Variants in CD101 observed in about 807,000 individuals in gnomAD.
CD101 encodes CD101 molecule, also known as immunoglobulin superfamily member 2.
Under a neutral mutation model 98.2 loss-of-function variants are expected in CD101, and 76 were observed. The ratio of observed to expected loss-of-function variants is 0.77; its 90% CI spans 0.64 to 0.94. The LOEUF (loss-of-function observed/expected upper bound fraction) is 0.94, where lower values mean the gene tolerates loss of function less well. Among genes scored for constraint, CD101 ranks in the 40% least tolerant of loss-of-function variants. The pLI is 0.00. For synonymous variants in CD101, 471 were observed against 472.7 expected, an observed-to-expected ratio of 1.00 and a Z score of 0.05; for missense variants, 1,145 against 1,218.8, an observed-to-expected ratio of 0.94 and a Z score of 0.90.
rs1358960313 is a variant in CD101, at chr1:117,018,526, C to G, written c.1983C>G (p.Ile661Met). ...ACCGCCCCCCGAGGGCTTCTGCCAT[C>G]TCTCACCCACTGAGGATAGCCGTCA... Reference protein sequence around the residue: ...YNNRPPRASAISHPLRIAVTL... With the variant: ...YNNRPPRASAMSHPLRIAVTL... Residue 661 changes from isoleucine (I) to methionine (M), a missense_variant, in exon 6 of 10, where the codon ATC becomes ATG. Transcript: ENST00000682167. The surrounding 1 kb of genome is among the most constrained non-coding windows in gnomAD (Gnocchi z 4.3). 3 of 1,607,582 alleles carry G rather than the reference C, an allele frequency of 1.9e-6. No individual in the cohort carries two copies. Among genetic ancestry groups the G allele is most frequent in the East Asian group, 4.5e-5 (2 of 44,706 alleles).
At chr1:117,030,549 C>G (rs762089313) in intron 8 of CD101, among the ~76,000 whole-genome samples, 7 of 152,164 alleles carry the variant, frequency 4.6e-5, no homozygotes, top group African/African-American at 1.7e-4. Flanking sequence ...AGCTGTGTGT[C>G]TTTACCACAC....
At position 117,011,967 on chromosome 1, in the gene CD101, G is replaced by A; in HGVS notation, c.841+1G>A. On this transcript the variant is annotated splice_donor_variant, in intron 3 of 9. Transcript: ENST00000682167. LOFTEE classifies it high-confidence loss of function. ...ACCACTCTGAGGATCCAGCCAGCAG[G>A]TAATTATCTTCCTACGAAATTCATT... 2 of 1,607,226 alleles carry A rather than the reference G, an allele frequency of 1.2e-6. No individual in the cohort carries two copies. The highest frequency in any genetic ancestry group is 1.7e-6 in the Non-Finnish European group (2 of 1,175,126).
intron 1 of CD101, among the ~76,000 whole-genome samples, chr1:117,009,457 T>A (rs12038029): frequency 1.3e-5 from 2 of 152,264 alleles, no homozygotes; most frequent in African/African-American, 2.4e-5. Context: ...AACTGCCCGA[T>A]GGCAGGCACC....
intron 4 of CD101, among the ~76,000 whole-genome samples, chr1:117,016,545 G>A (rs1245361452): frequency 6.6e-6 from 1 of 152,084 alleles, no homozygotes. Flanking sequence ...AAACAAATAA[G>A]AAATATGTGC....
intron 5 of CD101, among the ~76,000 whole-genome samples, 197 bp downstream of exon 5, chr1:117,017,670 A>C (rs999714713): frequency 1.3e-5 from 2 of 152,186 alleles, no homozygotes; most frequent in African/African-American, 4.8e-5. Context: ...TTTAGAGTGC[A>C]ACTTGTAAAT....
intron 7 of CD101, among the ~76,000 whole-genome samples, chr1:117,024,265 T>C (rs1051523796): frequency 1.3e-5 from 2 of 152,046 alleles, no homozygotes; most frequent in African/African-American, 4.8e-5. Flanking sequence ...TCACCTGAGG[T>C]CAGGAGTTCG....
At chr1:117,017,042 C>G (rs1653260947) in intron 4 of CD101, 48 bp from the exon 5 acceptor site, 10 of 1,550,212 alleles carry the variant, frequency 6.5e-6, no homozygotes, top group Non-Finnish European at 8.7e-6. Flanking sequence ...TAGAACATTT[C>G]TTATTTACCT....
chr1:117,007,046 A>G (rs76234348), intron 1 of CD101, among the ~76,000 whole-genome samples: 6,943 of 152,314 alleles, frequency 0.046, 232 homozygotes, highest in Non-Finnish European at 0.068. Context: ...TTGTAGAAAC[A>G]TGCCTTGATA....
chr1:117,014,378 C>T (rs866564790), intron 4 of CD101, among the ~76,000 whole-genome samples: 3 of 152,242 alleles, frequency 2.0e-5, no homozygotes, highest in South Asian at 2.1e-4. Context: ...GGAAATAGTA[C>T]TTAGTCATAA....
At position 117,017,190 on chromosome 1, in the gene CD101, G is replaced by A. The variant is rs532381154; in HGVS notation, c.1329G>A (p.Leu443=). The A allele has an allele frequency of 3.7e-6, 6 of 1,614,232 alleles. No homozygotes were observed. The African/African-American group carries it at 8.0e-5, about 22-fold the overall frequency. Reference sequence around the variant, plus strand: ...AGGCTGGTGGAGCTGAAAGTCCCCTGTCTGTGAGCTGGTGGCACATCCCAC... The same window carrying A: ...AGGCTGGTGGAGCTGAAAGTCCCCTATCTGTGAGCTGGTGGCACATCCCAC... ...LCKAGGAESP[L]SVSWWHIPRD... Residue 443 remains leucine (L), a synonymous_variant, in exon 5 of 10, where the codon CTG becomes CTA. Transcript: ENST00000682167.
chr1:117,021,950 T>A lies in CD101; in HGVS notation c.2395T>A (p.Ser799Thr). The A allele has an allele frequency of 6.2e-7, 1 of 1,612,188 alleles. No homozygotes were observed. The highest frequency in any genetic ancestry group is 8.5e-7 in the Non-Finnish European group (1 of 1,179,370). ...GTWHKLGEKK[S>T]GLTELKLKPT... ...TTGGCACAAGCTTGGAGAAAAGAAG[T>A]CAGGACTAACAGAATTGAAACTCAA... The change falls in exon 7 of 10, where the codon TCA becomes ACA. Residue 799 changes from serine (S) to threonine (T), a missense_variant. Coordinates refer to ENST00000682167, the MANE Select transcript of CD101 (RefSeq NM_001256106.3). The surrounding 1 kb of genome is among the most constrained non-coding windows in gnomAD (Gnocchi z 4.7).
At chr1:117,007,244 T>C (rs1057271518) in intron 1 of CD101, among the ~76,000 whole-genome samples, 1 of 152,024 alleles carries the variant, frequency 6.6e-6, no homozygotes, top group Non-Finnish European at 1.5e-5. Context: ...GGTCAAGAAA[T>C]AGAATATCGC....
chr1:117,025,711 G>T lies in CD101; in HGVS notation c.2631G>T (p.Gly877=). The T allele has an allele frequency of 6.2e-7, 1 of 1,614,178 alleles. No individual in the cohort carries two copies. Among genetic ancestry groups the T allele is most frequent in the Non-Finnish European group, 8.5e-7 (1 of 1,180,034 alleles). ...HDGLLEYGEE[G]LRRHLHCYRS... ...GCTTGCTGGAGTATGGGGAAGAGGG[G>T]CTCAGGAGGCACCTGCACTGTTACC... The change falls in exon 8 of 10, where the codon GGG becomes GGT. Residue 877 remains glycine (G), a synonymous_variant. Coordinates refer to ENST00000682167, the MANE Select transcript of CD101 (RefSeq NM_001256106.3).
In CD101 at chr1:117,033,167, G is replaced by A. The variant is rs908306991; in HGVS notation, c.2825-693G>A. The A allele has an allele frequency of 6.5e-6, 1 of 153,058 alleles. No individual in the cohort carries two copies. Among genetic ancestry groups the A allele is most frequent in the Non-Finnish European group, 1.5e-5 (1 of 68,674 alleles). 9.5% of individuals were successfully genotyped at this position (153,058 alleles called of 1,614,324 possible). A position where few individuals can be genotyped will look rare whatever the true frequency, so the allele number is the denominator to read the frequency against. On this transcript the variant is annotated intron_variant, in intron 8 of 9. Transcript: ENST00000682167. This position sits in a 1 kb window ranked among gnomAD's most constrained non-coding sequence, Gnocchi z 4.8. ...AAGAGAAGAACTGTGCCTGCAGCAA[G>A]GTAGGAAGAGCTGAGAGAGTAGGAA...
At position 117,011,638 on chromosome 1, in the gene CD101, CA is replaced by C. The variant is rs1407037756; in HGVS notation, c.516del (p.Ala173ProfsTer14). 1 of 1,614,104 alleles carries C rather than the reference CA, an allele frequency of 6.2e-7. No individual in the cohort carries two copies. Among genetic ancestry groups the C allele is most frequent in the Non-Finnish European group, 8.5e-7 (1 of 1,180,012 alleles). On this transcript the variant is annotated frameshift_variant, in exon 3 of 10. Transcript: ENST00000682167. LOFTEE classifies it high-confidence loss of function. ...EPLALTCEAS[K>X]ATAQHTHLSV... Reference sequence around the variant, plus strand: ...CATTAGCCCTCACCTGTGAGGCATCCAAAGCCACAGCCCAACATACTCACCT... The same window carrying C: ...CATTAGCCCTCACCTGTGAGGCATCCAAGCCACAGCCCAACATACTCACCT...
chr1:117,018,530 C>T lies in CD101; in HGVS notation c.1987C>T (p.His663Tyr). The change falls in exon 6 of 10, where the codon CAC (histidine) becomes TAC (tyrosine). Residue 663 changes from histidine to tyrosine, a missense_variant. Transcript: ENST00000682167. This position sits in a 1 kb window ranked among gnomAD's most constrained non-coding sequence, Gnocchi z 4.3. ...NRPPRASAIS[H>Y]PLRIAVTLPE... ...CCCCCCGAGGGCTTCTGCCATCTCT[C>T]ACCCACTGAGGATAGCCGTCACTTT... 1.2e-6 allele frequency: 2 copies of T among 1,606,988 alleles called. No homozygotes were observed. Among genetic ancestry groups the T allele is most frequent in the Non-Finnish European group, 1.7e-6 (2 of 1,174,606 alleles).
chr1:117,019,344 T>G lies in CD101; in HGVS notation c.2017+784T>G, dbSNP rs866095599. Among the ~76,000 whole-genome samples, 3 of 152,342 alleles carry G rather than the reference T, an allele frequency of 2.0e-5. No individual in the cohort carries two copies. Among genetic ancestry groups the G allele is most frequent in the South Asian group, 2.1e-4 (1 of 4,824 alleles). ...ATGCCGAGTACCTGACACACCAAGATGACGCTCAAACGTGGTCACTGTCAT... is the reference window on the plus strand; with the variant it reads ...ATGCCGAGTACCTGACACACCAAGAGGACGCTCAAACGTGGTCACTGTCAT... On this transcript the variant is annotated intron_variant, in intron 6 of 9. Coordinates refer to ENST00000682167, the MANE Select transcript of CD101 (RefSeq NM_001256106.3). This position sits in a 1 kb window ranked among gnomAD's most constrained non-coding sequence, Gnocchi z 4.3.
In CD101 at chr1:117,011,955, T is replaced by A. The variant is rs759333608; in HGVS notation, c.830T>A (p.Ile277Asn). The change falls in exon 3 of 10, where the codon ATC becomes AAC. Residue 277 changes from isoleucine (I) to asparagine (N), a missense_variant. Ile to Asn is a moderately radical substitution (Grantham distance 149). Coordinates refer to ENST00000682167, the MANE Select transcript of CD101 (RefSeq NM_001256106.3). ...CAGACCGATCAAACCACTCTGAGGA[T>A]CCAGCCAGCAGGTAATTATCTTCCT... ...KKQTDQTTLRIQPAVKDFQVN... is the reference protein window; with the variant it reads ...KKQTDQTTLRNQPAVKDFQVN... 6.2e-7 allele frequency: 1 copy of A among 1,611,302 alleles called. No individual in the cohort carries two copies. The highest frequency in any genetic ancestry group is 8.5e-7 in the Non-Finnish European group (1 of 1,177,794).
In CD101 at chr1:117,021,909, T is replaced by A. The variant is rs1450314322; in HGVS notation, c.2354T>A (p.Leu785Gln). ...KYHCAVEEWL[L>Q]STNGTWHKLG... is the part of the protein sequence containing the mutation. ...CACTGTGCTGTGGAGGAATGGCTCC[T>A]GTCTACAAATGGCACTTGGCACAAG... Residue 785 changes from leucine to glutamine, a missense_variant, in exon 7 of 10, where the codon CTG becomes CAG. Coordinates refer to ENST00000682167, the MANE Select transcript of CD101 (RefSeq NM_001256106.3). This position sits in a 1 kb window ranked among gnomAD's most constrained non-coding sequence, Gnocchi z 4.7. 6.2e-7 allele frequency: 1 copy of A among 1,614,060 alleles called. No homozygotes were observed. Among genetic ancestry groups the A allele is most frequent in the Admixed American group, 1.7e-5 (1 of 59,992 alleles).
Sources: allele counts gnomAD v4.1 joint callset (sites outside exome capture counted in the v4.1 genomes callset), GRCh38; gene constraint gnomAD v4.1.1; non-coding constraint Gnocchi (gnomAD v3.1); transcripts MANE v1.5; gene names NCBI Gene and HGNC (gene_info 2026-07-23, HGNC 2026-07-21).